Variants in LPXN observed in about 807,000 individuals in gnomAD.
LPXN encodes the protein leupaxin.
LPXN carries 28 observed loss-of-function variants against 45.6 expected under a neutral mutation model. The observed-to-expected ratio is 0.61, with a 90% CI of 0.45 to 0.84. The LOEUF (loss-of-function observed/expected upper bound fraction) is 0.84. Among genes scored for constraint, LPXN ranks in the 40% least tolerant of loss-of-function variants. The pLI is 0.00. For missense variants in LPXN, 459 were observed against 475.0 expected (o/e 0.97, Z 0.31); for synonymous variants, 166 against 169.9 (o/e 0.98, Z 0.18).
In LPXN at chr11:58,551,247, G is replaced by T; in HGVS notation, c.319-15C>A. The T allele has an allele frequency of 6.3e-7, 1 of 1,585,694 alleles. No homozygotes were observed. The highest frequency in any genetic ancestry group is 8.6e-7 in the Non-Finnish European group (1 of 1,167,790). On this transcript the variant is annotated splice_polypyrimidine_tract_variant and intron_variant, in intron 4 of 8. Transcript: ENST00000395074. ...CTCACTGCAACCTGGCCCAAGGGAA[G>T]AACCAAGAACAGAATCAGCCTCATT...
Position 58,574,915 on chromosome 11 carries a change from T to C in LPXN, c.13+845A>G, listed in dbSNP as rs563717528. Among the ~76,000 whole-genome samples the C allele has an allele frequency of 2.0e-5, 3 of 152,242 alleles. No individual in the cohort carries two copies. In the South Asian group the frequency reaches 6.2e-4, roughly 32 times the overall value. ...TTTTTTGCACTTTTGACATACCCTATCCCCAAACACACCCCAAACCAGGAC... is the reference window on the plus strand; with the variant it reads ...TTTTTTGCACTTTTGACATACCCTACCCCCAAACACACCCCAAACCAGGAC... On this transcript the variant is annotated intron_variant, in intron 1 of 8. Transcript: ENST00000395074.
chr11:58,562,061 G>A (rs932480152), intron 3 of LPXN, among the ~76,000 whole-genome samples: 6 of 152,152 alleles, frequency 3.9e-5, no homozygotes, highest in Admixed American at 2.6e-4. Flanking sequence ...AAAGAATCCA[G>A]ACTTAAGCAA....
rs776732781 is a variant in LPXN, at chr11:58,527,526, C to A, written c.1089G>T (p.Ser363=). ...CATTCTGCTCCCTGAAAATGCCCTT[C>A]GACAACTGTGTCAGGCAGAAAGCAC... The part of the protein sequence containing the change: ...FVCAFCLTQL[S]KGIFREQNDK... The change falls in exon 9 of 9, where the codon TCG becomes TCT. Residue 363 remains serine (S), a synonymous_variant. Transcript: ENST00000395074. 6.2e-7 allele frequency: 1 copy of A among 1,614,136 alleles called. No individual in the cohort carries two copies. The highest frequency in any genetic ancestry group is 8.5e-7 in the Non-Finnish European group (1 of 1,180,018).
At chr11:58,527,764 A>G (rs1226124289) in intron 8 of LPXN, 41 bp from the exon 9 acceptor site, 1 of 1,586,208 alleles carries the variant, frequency 6.3e-7, no homozygotes, top group Admixed American at 1.7e-5. Context: ...TGCAAATGTC[A>G]AGAGGTAAAA....
chr11:58,551,302 C>G (rs1854045469), intron 4 of LPXN, 70 bp from the exon 5 acceptor site: 1 of 1,317,568 alleles, frequency 7.6e-7, no homozygotes, highest in Non-Finnish European at 1.0e-6. Flanking sequence ...TCTAATGACT[C>G]TATAAATTCA....
At chr11:58,574,843 T>C (rs542369818) in intron 1 of LPXN, among the ~76,000 whole-genome samples, 1 of 152,160 alleles carries the variant, frequency 6.6e-6, no homozygotes, top group Non-Finnish European at 1.5e-5. Context: ...TCACACGCCA[T>C]TTTTTTTAAG....
intron 7 of LPXN, among the ~76,000 whole-genome samples, chr11:58,529,607 C>CAA (rs11295701): frequency 4.8e-5 from 4 of 83,548 alleles, no homozygotes; most frequent in Non-Finnish European, 7.1e-5. Flanking sequence ...GACTCTGTCT[C>CAA]AAAAAAAAAA....
At chr11:58,576,376 T>G (rs1405323250), upstream of LPXN, among the ~76,000 whole-genome samples, 1 of 152,178 alleles carries the variant, frequency 6.6e-6, no homozygotes, top group Non-Finnish European at 1.5e-5. Context: ...AGGGCCTGGT[T>G]TACTCAGTGG....
In LPXN at chr11:58,557,716, A is replaced by T. The variant is rs543602923; in HGVS notation, c.219-2776T>A. Among the ~76,000 whole-genome samples the T allele has an allele frequency of 3.5e-4, 53 of 152,314 alleles. 1 individual carries two copies. In the South Asian group the frequency reaches 0.011, roughly 30 times the overall value. On this transcript the variant is annotated intron_variant, in intron 3 of 8. Transcript: ENST00000395074. ...AAATTTTGGCTGTTCTTGCCACAAA[A>T]ACAAACAAACAAAAATGTGTAACTG...
chr11:58,576,865 C>G (rs909966503), upstream of LPXN, among the ~76,000 whole-genome samples: 5 of 152,204 alleles, frequency 3.3e-5, no homozygotes, highest in Non-Finnish European at 5.9e-5. Flanking sequence ...CCAACTCGAA[C>G]TCCTGAACTC....
At chr11:58,530,777 GCTAA>G (rs745329408) in intron 7 of LPXN, among the ~76,000 whole-genome samples, 1 of 152,166 alleles carries the variant, frequency 6.6e-6, no homozygotes, top group African/African-American at 2.4e-5. Context: ...CCCAATAGGG[GCTAA>G]CTGACACCTC....
chr11:58,536,286 A>G (rs191494781), intron 7 of LPXN, among the ~76,000 whole-genome samples: 3 of 152,372 alleles, frequency 2.0e-5, no homozygotes, highest in East Asian at 3.9e-4. Flanking sequence ...TAACAAAAAC[A>G]GCATGGTACT....
chr11:58,562,522 T>A (rs567498097), intron 3 of LPXN, among the ~76,000 whole-genome samples: 24 of 152,198 alleles, frequency 1.6e-4, no homozygotes, highest in African/African-American at 4.8e-4. Context: ...AGGAAGTACA[T>A]CAAAGGCCAG....
chr11:58,534,316 C>A (rs563598092), intron 7 of LPXN, among the ~76,000 whole-genome samples: 4 of 152,272 alleles, frequency 2.6e-5, no homozygotes, highest in South Asian at 2.1e-4. Flanking sequence ...GAAATCATAG[C>A]AAACAGTCTC....
intron 3 of LPXN, among the ~76,000 whole-genome samples, chr11:58,560,748 T>A (rs1382338824): frequency 6.6e-6 from 1 of 152,292 alleles, no homozygotes; most frequent in East Asian, 1.9e-4. Context: ...TTGTACATAA[T>A]ACAGTTGGCA....
chr11:58,540,483 G>C (rs1853682466), intron 7 of LPXN, among the ~76,000 whole-genome samples: 1 of 152,126 alleles, frequency 6.6e-6, no homozygotes, highest in African/African-American at 2.4e-5. Flanking sequence ...TCAGCTAAAA[G>C]TGATGCATGC....
rs578063713 is a variant in LPXN, at chr11:58,564,178, A to G, written c.195T>C (p.Asn65=). The G allele has an allele frequency of 1.2e-6, 2 of 1,603,650 alleles. No individual in the cohort carries two copies. The highest frequency in any genetic ancestry group is 2.2e-5 in the East Asian group (1 of 44,806). The change falls in exon 3 of 9, where the codon AAT becomes AAC. Residue 65 remains asparagine, a synonymous_variant. Coordinates refer to ENST00000395074, the MANE Select transcript of LPXN (RefSeq NM_004811.3). ...PLPAQLVYTT[N]IQELNVYSEA... is the part of the protein sequence containing the mutation. ...ACCTGTAGACATTGAGCTCCTGGAT[A>G]TTGGTAGTATACACGAGCTGCGCCT...
intron 7 of LPXN, among the ~76,000 whole-genome samples, chr11:58,537,890 T>A (rs1853599336): frequency 6.7e-6 from 1 of 149,456 alleles, no homozygotes; most frequent in South Asian, 2.2e-4. Context: ...TCATTTAGCA[T>A]TAGGTATATC....
Position 58,570,712 on chromosome 11 carries a change from A to G in LPXN, c.15T>C (p.Asp5=). Residue 5 remains aspartate (D), a splice_region_variant and synonymous_variant, in exon 2 of 9, where the codon GAT becomes GAC. Transcript: ENST00000395074. MEEL[D]ALLEELERST... ...AGCGTTCCAGTTCCTCCAATAAGGC[A>G]TCTACACCATAAGAAGCAAGAGAAT... The G allele has an allele frequency of 6.2e-7, 1 of 1,606,436 alleles. No individual in the cohort carries two copies. Among genetic ancestry groups the G allele is most frequent in the Middle Eastern group, 1.7e-4 (1 of 6,006 alleles).
Sources: gnomAD v4.1 joint callset for allele counts (sites outside exome capture counted in the v4.1 genomes callset) on GRCh38, gnomAD v4.1.1 for gene constraint, MANE v1.5 for transcripts, NCBI Gene and HGNC (gene_info 2026-07-23, HGNC 2026-07-21) for gene names.